ITIH1: variants seen among roughly 807,000 people sequenced by gnomAD.
ITIH1 encodes the protein inter-alpha-trypsin inhibitor heavy chain H1.
Under a neutral mutation model 104.6 loss-of-function variants are expected in ITIH1, and 94 were observed. The ratio of observed to expected loss-of-function variants is 0.90; its 90% CI spans 0.76 to 1.07. The LOEUF is 1.07. Among genes scored for constraint, ITIH1 ranks in the 50% least tolerant of loss-of-function variants. ITIH1 has a pLI of 0.00. For synonymous variants in ITIH1, 455 were observed against 464.4 expected (o/e 0.98, Z 0.26); for missense variants, 1,193 against 1,181.4 (o/e 1.01, Z -0.14).
intron 11 of ITIH1, 30 bp downstream of exon 11, chr3:52,784,507 A>G: frequency 1.2e-6 from 2 of 1,604,898 alleles, no homozygotes; most frequent in Non-Finnish European, 1.7e-6. Flanking sequence ...TGTACCTCCA[A>G]TGGCATGCCA....
Position 52,791,789 on chromosome 3 carries a change from C to T in ITIH1, c.2614C>T (p.Gln872Ter). The T allele has an allele frequency of 6.2e-7, 1 of 1,612,708 alleles. No individual in the cohort carries two copies. Reference protein sequence around the residue: ...NRRLTVTRGLQKDYSKDPWHG... With the variant: ...NRRLTVTRGL ...TGACTTGTCTCTGCACAGGGGTTTG[C>T]AAAAAGACTACAGCAAGGACCCGTG... is the stretch of plus-strand genomic sequence containing the variant. Residue 872 changes from glutamine (Q) to a stop codon, truncating the protein, a stop_gained, in exon 22 of 22, where the codon CAA becomes TAA. Transcript: ENST00000273283. LOFTEE classifies it low-confidence loss of function (END_TRUNC).
rs775250942 is a variant in ITIH1 at position 52,791,801 on chromosome 3, A to C, written c.2626A>C (p.Ser876Arg). 6.2e-7 allele frequency: 1 copy of C among 1,613,808 alleles called. No homozygotes were observed. The highest frequency in any genetic ancestry group is 1.1e-5 in the South Asian group (1 of 91,026). ...TVTRGLQKDYSKDPWHGAEVS... is the reference protein window; with the variant it reads ...TVTRGLQKDYRKDPWHGAEVS... ...GCACAGGGGTTTGCAAAAAGACTAC[A>C]GCAAGGACCCGTGGCATGGGGCCGA... The change falls in exon 22 of 22, where the codon AGC becomes CGC. Residue 876 changes from serine to arginine, a missense_variant. Ser to Arg is a moderately radical substitution (Grantham distance 110). Coordinates refer to ENST00000273283, the MANE Select transcript of ITIH1 (RefSeq NM_002215.4).
rs1211821064 is a variant in ITIH1, at chr3:52,786,400, G to A, written c.1699G>A (p.Ala567Thr). The A allele has an allele frequency of 1.9e-5, 30 of 1,585,920 alleles. No individual in the cohort carries two copies. The highest frequency in any genetic ancestry group is 2.4e-5 in the Non-Finnish European group (28 of 1,165,888). Reference sequence around the variant, plus strand: ...GGAGAACCACGTCGAGCGCCTCTGGGCCTACCTCACCATCCAGGAGCTGCT... The same window carrying A: ...GGAGAACCACGTCGAGCGCCTCTGGACCTACCTCACCATCCAGGAGCTGCT... Reference protein sequence around the residue: ...MLENHVERLWAYLTIQELLAK... With the variant: ...MLENHVERLWTYLTIQELLAK... Residue 567 changes from alanine (A) to threonine (T), a missense_variant, in exon 13 of 22, where the codon GCC becomes ACC. Transcript: ENST00000273283.
chr3:52,785,749 C>T (rs1412307018), intron 12 of ITIH1, among the ~76,000 whole-genome samples: 1 of 152,222 alleles, frequency 6.6e-6, no homozygotes, highest in African/African-American at 2.4e-5. Context: ...TGGCTCCATC[C>T]TGACCAGCTG....
At chr3:52,787,713 T>A in intron 16 of ITIH1, 101 bp downstream of exon 16, 4 of 1,353,076 alleles carry the variant, frequency 3.0e-6, no homozygotes, top group Non-Finnish European at 4.2e-6. Context: ...TGCTTGTCAC[T>A]GGGAATCTTT....
At chr3:52,780,618 C>T (rs528424827) in intron 6 of ITIH1, among the ~76,000 whole-genome samples, 10 of 152,334 alleles carry the variant, frequency 6.6e-5, no homozygotes, top group African/African-American at 1.9e-4. Flanking sequence ...GCTCCAGCTC[C>T]ACCACACACG....
intron 6 of ITIH1, among the ~76,000 whole-genome samples, chr3:52,781,262 CT>C (rs1699045006): frequency 7.7e-6 from 1 of 130,596 alleles, no homozygotes; most frequent in Non-Finnish European, 1.6e-5. Context: ...TCTTCTTCTT[CT>C]TCTTCTTCTT....
At position 52,779,497 on chromosome 3, in the gene ITIH1, C is replaced by T. The variant is rs755550027; in HGVS notation, c.476C>T (p.Thr159Met). 39 of 1,614,112 alleles carry T rather than the reference C, an allele frequency of 2.4e-5. No homozygotes were observed. In the East Asian group the frequency reaches 3.3e-4, roughly 14 times the overall value. ...HLTVNPQSKV[T>M]FQLTYEEVLK... The stretch of plus-strand genomic sequence containing the variant: ...ACCGTCAATCCCCAGAGCAAGGTCA[C>T]GTTTCAGCTGACTTATGAGGAAGTG... The change falls in exon 5 of 22, where the codon ACG (threonine) becomes ATG (methionine). Residue 159 changes from threonine (T) to methionine (M), a missense_variant. Thr to Met is a moderately conservative substitution (Grantham distance 81). Coordinates refer to ENST00000273283, the MANE Select transcript of ITIH1 (RefSeq NM_002215.4). This position sits in a 1 kb window ranked among gnomAD's most constrained non-coding sequence, Gnocchi z 4.4.
At position 52,784,388 on chromosome 3, in the gene ITIH1, G is replaced by T; in HGVS notation, c.1318G>T (p.Asp440Tyr). The part of the protein sequence containing the change: ...LYNLGFGHNV[D>Y]FNFLEVMSME... Reference sequence around the variant, plus strand: ...CAACCTGGGTTTCGGCCACAATGTGGACTTTAACTTTCTGGAGGTCATGTC... The same window carrying T: ...CAACCTGGGTTTCGGCCACAATGTGTACTTTAACTTTCTGGAGGTCATGTC... The change falls in exon 11 of 22, where the codon GAC (aspartate) becomes TAC (tyrosine). Residue 440 changes from aspartate (D) to tyrosine (Y), a missense_variant. By Grantham distance (160) the Asp-to-Tyr change is radical. Coordinates refer to ENST00000273283, the MANE Select transcript of ITIH1 (RefSeq NM_002215.4). The T allele has an allele frequency of 6.2e-7, 1 of 1,614,170 alleles. No individual in the cohort carries two copies.
intron 12 of ITIH1, 35 bp downstream of exon 12, chr3:52,785,264 G>C (rs1367850230): frequency 6.9e-6 from 11 of 1,602,978 alleles, no homozygotes; most frequent in South Asian, 1.1e-5. Context: ...GAGAGGCCAG[G>C]CAGCACCCTA....
chr3:52,787,068 C>G lies in ITIH1; in HGVS notation c.1857C>G (p.Gly619=). The change falls in exon 14 of 22, where the codon GGC becomes GGG. Residue 619 remains glycine, a synonymous_variant. Transcript: ENST00000273283. ...MSIRGMADQD[G]LKPTIDKPSE... ...TCAGGGGCATGGCGGACCAGGACGG[C>G]CTGAAGCCCACCATCGACAAGCCCT... is the stretch of plus-strand genomic sequence containing the variant. The G allele has an allele frequency of 6.2e-7, 1 of 1,614,178 alleles. No homozygotes were observed. The highest frequency in any genetic ancestry group is 8.5e-7 in the Non-Finnish European group (1 of 1,180,018).
chr3:52,781,874 G>A, intron 6 of ITIH1, 66 bp from the exon 7 acceptor site: 2 of 1,589,892 alleles, frequency 1.3e-6, no homozygotes, highest in Admixed American at 3.4e-5. Flanking sequence ...TTCTTATGTT[G>A]TCTTTGCAAA....
intron 6 of ITIH1, 55 bp downstream of exon 6, chr3:52,780,437 C>A: frequency 1.6e-6 from 2 of 1,221,156 alleles, no homozygotes; most frequent in Non-Finnish European, 2.4e-6. Flanking sequence ...TCTCAGCCTG[C>A]CCACCCCTTA....
chr3:52,781,268 CTTCTTCTTCTTCTTCTTCCTCT>C (rs1699046584), intron 6 of ITIH1, among the ~76,000 whole-genome samples: 1 of 134,850 alleles, frequency 7.4e-6, no homozygotes, highest in Non-Finnish European at 1.6e-5. Context: ...TCTTCTTCTT[CTTCTTCTTCTTCTTCTTCCTCT>C]TCTTCTTCTT....
chr3:52,785,323 CT>C (rs1699174392), intron 12 of ITIH1, 94 bp downstream of exon 12: 1 of 1,242,550 alleles, frequency 8.0e-7, no homozygotes, highest in African/African-American at 1.5e-5. Context: ...CCCCAGAGGC[CT>C]CTCTTTCCCC....
At chr3:52,787,776 G>A in intron 16 of ITIH1, 164 bp downstream of exon 16, 1 of 942,642 alleles carries the variant, frequency 1.1e-6, no homozygotes, top group Non-Finnish European at 1.7e-6. Context: ...CCTGGGGGAG[G>A]AGACAGAGAG....
Position 52,788,323 on chromosome 3 carries a change from C to A in ITIH1, c.2097C>A (p.Ser699Arg), listed in dbSNP as rs780383647. The change falls in exon 18 of 22, where the codon AGC becomes AGA. Residue 699 changes from serine (S) to arginine (R), a missense_variant. By Grantham distance (110) the Ser-to-Arg change is moderately radical (BLOSUM62 -1). Coordinates refer to ENST00000273283, the MANE Select transcript of ITIH1 (RefSeq NM_002215.4). ...ATGAGGAGCCTGGTGTTATCCTGAG[C>A]CTGGTACAGGACCCCAACACAGGTA... ...NINEEPGVIL[S>R]LVQDPNTGFS... The A allele has an allele frequency of 8.1e-6, 13 of 1,606,508 alleles. No individual in the cohort carries two copies. In the South Asian group the frequency reaches 1.5e-4, roughly 18 times the overall value.
chr3:52,779,665 C>T lies in ITIH1; in HGVS notation c.573+71C>T. 1 of 1,551,496 alleles carries T rather than the reference C, an allele frequency of 6.4e-7. No homozygotes were observed. Among genetic ancestry groups the T allele is most frequent in the Non-Finnish European group, 8.9e-7 (1 of 1,123,960 alleles). ...ACCATGGCTCCCAACACTGGTTGAG[C>T]ACCCACCATGTGTCACCACCCAGGC... On this transcript the variant is annotated intron_variant, in intron 5 of 21. Transcript: ENST00000273283. This position sits in a 1 kb window ranked among gnomAD's most constrained non-coding sequence, Gnocchi z 4.4.
intron 3 of ITIH1, 42 bp downstream of exon 3, chr3:52,778,548 C>T (rs374211828): frequency 3.7e-6 from 6 of 1,609,316 alleles, no homozygotes; most frequent in East Asian, 2.2e-5. Flanking sequence ...CCAGGGGTGC[C>T]GCTTACTAGT....
Sources: gnomAD v4.1 joint callset for allele counts (sites outside exome capture counted in the v4.1 genomes callset) on GRCh38, gnomAD v4.1.1 for gene constraint, Gnocchi (gnomAD v3.1) non-coding constraint, MANE v1.5 for transcripts, NCBI Gene and HGNC (gene_info 2026-07-23, HGNC 2026-07-21) for gene names.